Variants in ZNF827 observed in about 807,000 individuals in gnomAD.
ZNF827 encodes the protein zinc finger protein 827.
A neutral mutation model predicts 102.4 loss-of-function variants in ZNF827; 13 were observed. The ratio of observed to expected loss-of-function variants is 0.13; its 90% CI spans 0.08 to 0.20. The LOEUF (loss-of-function observed/expected upper bound fraction) is 0.20, where lower values mean the gene tolerates loss of function less well. Among genes scored for constraint, ZNF827 ranks in the 10% least tolerant of loss-of-function variants. The pLI is 1.00. For missense variants in ZNF827, 1,103 were observed against 1,344.4 expected, an observed-to-expected ratio of 0.82 and a Z score of 2.81; for synonymous variants, 523 against 536.2, an observed-to-expected ratio of 0.98 and a Z score of 0.34.
At chr4:145,894,695 G>A (rs1046359345) in intron 2 of ZNF827, among the ~76,000 whole-genome samples, 1 of 152,122 alleles carries the variant, frequency 6.6e-6, no homozygotes, top group Admixed American at 6.5e-5. Flanking sequence ...TTTTAATTGG[G>A]GGAGTAACAG....
chr4:145,813,329 CA>C (rs1221456871), intron 8 of ZNF827, among the ~76,000 whole-genome samples: 1 of 152,166 alleles, frequency 6.6e-6, no homozygotes, highest in Non-Finnish European at 1.5e-5. Flanking sequence ...GGACCACATT[CA>C]CATAACTTTT....
intron 8 of ZNF827, among the ~76,000 whole-genome samples, chr4:145,804,499 A>C (rs1159906442): frequency 6.6e-6 from 1 of 152,238 alleles, no homozygotes; most frequent in Non-Finnish European, 1.5e-5. Flanking sequence ...CAATGGGTTT[A>C]TATAATCCAA....
intron 8 of ZNF827, among the ~76,000 whole-genome samples, chr4:145,783,465 C>A (rs998872209): frequency 4.6e-5 from 7 of 152,214 alleles, no homozygotes; most frequent in Non-Finnish European, 7.3e-5. Context: ...CAGTCCTGAG[C>A]CATACTCCTA....
In ZNF827 at chr4:145,765,821, T is replaced by G; in HGVS notation, c.2861-83A>C. On this transcript the variant is annotated intron_variant, in intron 11 of 14. Transcript: ENST00000508784. The surrounding 1 kb of genome is among the most constrained non-coding windows in gnomAD (Gnocchi z 4.7). Reference sequence around the variant, plus strand: ...GCAACTGAGGGTGACGAGTTGAGTCTCATGGATGCATCATCATTCTGGGGG... The same window carrying G: ...GCAACTGAGGGTGACGAGTTGAGTCGCATGGATGCATCATCATTCTGGGGG... 1 of 1,380,862 alleles carries G rather than the reference T, an allele frequency of 7.2e-7. No individual in the cohort carries two copies. The allele number at this position is 1,380,862 out of a possible 1,614,324, so 85.5% of individuals were successfully genotyped here. A position where few individuals can be genotyped will look rare whatever the true frequency, so the allele number is the denominator to read the frequency against.
At chr4:145,859,079 C>G (rs1441233267) in intron 5 of ZNF827, among the ~76,000 whole-genome samples, 1 of 152,078 alleles carries the variant, frequency 6.6e-6, no homozygotes, top group Non-Finnish European at 1.5e-5. Flanking sequence ...TCTTGTTGGT[C>G]AATGTTCCCA....
intron 11 of ZNF827, chr4:145,770,949 CAGTG>C (rs1431681439): frequency 6.6e-6 from 1 of 152,158 alleles, no homozygotes; most frequent in South Asian, 2.1e-4. Context: ...ATCCCAGCAA[CAGTG>C]AGTATTAATA....
intron 4 of ZNF827, chr4:145,870,756 C>CTG: frequency 3.0e-6 from 1 of 331,698 alleles, no homozygotes; most frequent in Non-Finnish European, 5.6e-6. Context: ...TTTGGTTTCC[C>CTG]TAGAAGTCTT....
intron 1 of ZNF827, among the ~76,000 whole-genome samples, chr4:145,911,029 T>C (rs539900896): frequency 6.6e-6 from 1 of 152,328 alleles, no homozygotes; most frequent in African/African-American, 2.4e-5. Flanking sequence ...AATGGAAGAA[T>C]AGGCTGAACA....
At chr4:145,781,570 G>A (rs1738060743) in intron 8 of ZNF827, among the ~76,000 whole-genome samples, 2 of 152,292 alleles carry the variant, frequency 1.3e-5, no homozygotes, top group East Asian at 3.9e-4. Context: ...AAGAAGGGTT[G>A]CTCTTATTAA....
intron 8 of ZNF827, among the ~76,000 whole-genome samples, chr4:145,811,673 C>A (rs969162096): frequency 2.6e-5 from 4 of 152,142 alleles, no homozygotes; most frequent in African/African-American, 9.7e-5. Context: ...CAGATATATC[C>A]TTTTCATGGG....
intron 1 of ZNF827, among the ~76,000 whole-genome samples, chr4:145,928,887 G>A (rs1001229379): frequency 1.3e-5 from 2 of 152,154 alleles, no homozygotes; most frequent in African/African-American, 4.8e-5. Context: ...CGAGTGGCAG[G>A]AACTGTGGCA....
At chr4:145,839,120 T>C (rs1745169949) in intron 7 of ZNF827, 1 of 152,232 alleles carries the variant, frequency 6.6e-6, no homozygotes, top group African/African-American at 2.4e-5. Flanking sequence ...ATTTTCTTCT[T>C]TGAAAAGTAT....
intron 8 of ZNF827, among the ~76,000 whole-genome samples, chr4:145,800,576 G>A (rs1740799496): frequency 6.6e-6 from 1 of 152,124 alleles, no homozygotes; most frequent in Non-Finnish European, 1.5e-5. Context: ...CACCCAGCCT[G>A]TACAGCTGGT....
chr4:145,784,971 C>T (rs767135161), intron 8 of ZNF827, among the ~76,000 whole-genome samples: 7 of 152,206 alleles, frequency 4.6e-5, no homozygotes, highest in Non-Finnish European at 8.8e-5. Flanking sequence ...TTCCTGGCTA[C>T]TCGGTATTAT....
Position 145,823,541 on chromosome 4 carries a change from G to T in ZNF827, c.2280-16C>A. On this transcript the variant is annotated splice_polypyrimidine_tract_variant and intron_variant, in intron 7 of 14. Transcript: ENST00000508784. The stretch of plus-strand genomic sequence containing the variant: ...AAAGAAAGGGCTGGGGTGGGGGAGG[G>T]GGAGTGAAGTTTAGTAAATTAAAGT... The T allele has an allele frequency of 1.3e-6, 2 of 1,567,436 alleles. No individual in the cohort carries two copies. Among genetic ancestry groups the T allele is most frequent in the Non-Finnish European group, 1.8e-6 (2 of 1,138,100 alleles).
At chr4:145,822,673 T>C (rs948871820) in intron 8 of ZNF827, among the ~76,000 whole-genome samples, 1 of 151,738 alleles carries the variant, frequency 6.6e-6, no homozygotes, top group Non-Finnish European at 1.5e-5. Flanking sequence ...GGCTGCTAGA[T>C]TGGTGGTGGG....
At chr4:145,812,198 T>C (rs1742090887) in intron 8 of ZNF827, among the ~76,000 whole-genome samples, 1 of 152,056 alleles carries the variant, frequency 6.6e-6, no homozygotes, top group South Asian at 2.1e-4. Flanking sequence ...AGTACTGGAA[T>C]TACAGGCGTG....
intron 8 of ZNF827, among the ~76,000 whole-genome samples, chr4:145,822,651 C>G (rs1743259435): frequency 6.6e-6 from 1 of 151,308 alleles, no homozygotes; most frequent in Non-Finnish European, 1.5e-5. Context: ...TAGCAACTGG[C>G]AGAAGTTTCC....
chr4:145,781,228 G>GAAAA (rs60872964), intron 8 of ZNF827, among the ~76,000 whole-genome samples: 14 of 99,674 alleles, frequency 1.4e-4, no homozygotes, highest in Non-Finnish European at 2.0e-4. Flanking sequence ...GAAAAAAAAA[G>GAAAA]AAAAAAAAAA....
Sources: gnomAD v4.1 joint callset for allele counts (sites outside exome capture counted in the v4.1 genomes callset) on GRCh38, gnomAD v4.1.1 for gene constraint, Gnocchi (gnomAD v3.1) non-coding constraint, MANE v1.5 for transcripts, NCBI Gene and HGNC (gene_info 2026-07-23, HGNC 2026-07-21) for gene names.